Variants in EPHA6 observed in about 807,000 individuals in gnomAD.
EPHA6 encodes EPH receptor A6.
Under a neutral mutation model 112.0 loss-of-function variants are expected in EPHA6, and 50 were observed. The ratio of observed to expected loss-of-function variants is 0.45; its 90% CI spans 0.36 to 0.56. EPHA6 has a LOEUF of 0.56. EPHA6 is among the 20% of genes least tolerant of loss of function. The pLI, the probability that EPHA6 is intolerant of heterozygous loss-of-function variation, is 0.00. For synonymous variants in EPHA6, 529 were observed against 490.7 expected (o/e 1.08, Z -1.03); for missense variants, 1,280 against 1,417.4 (o/e 0.90, Z 1.56).
intron 1 of EPHA6, among the ~76,000 whole-genome samples, chr3:96,842,418 G>T (rs2107328675): frequency 6.6e-6 from 1 of 152,028 alleles, no homozygotes; most frequent in East Asian, 1.9e-4. Flanking sequence ...TATGATGAGA[G>T]AAAAAAATAC....
At chr3:97,299,302 A>G (rs2081000582) in intron 5 of EPHA6, among the ~76,000 whole-genome samples, 1 of 151,910 alleles carries the variant, frequency 6.6e-6, no homozygotes, top group South Asian at 2.1e-4. Context: ...TAAGGAATAT[A>G]TGGCCATATG....
At chr3:97,564,908 C>T (rs370588059) in intron 11 of EPHA6, among the ~76,000 whole-genome samples, 8 of 152,074 alleles carry the variant, frequency 5.3e-5, no homozygotes, top group Admixed American at 3.3e-4. Context: ...TATGGCACCT[C>T]GGTAGCAGAA....
intron 3 of EPHA6, among the ~76,000 whole-genome samples, chr3:97,066,073 A>G (rs1416546823): frequency 1.3e-5 from 2 of 152,096 alleles, no homozygotes; most frequent in African/African-American, 2.4e-5. Context: ...TTCAATAAAT[A>G]TTTGTTGAAT....
chr3:97,122,959 T>G (rs981793545), intron 3 of EPHA6, among the ~76,000 whole-genome samples: 1 of 152,088 alleles, frequency 6.6e-6, no homozygotes, highest in African/African-American at 2.4e-5. Context: ...TGTTTAGATC[T>G]CTTTGTATAC....
chr3:97,147,912 G>A (rs959800368), intron 3 of EPHA6, among the ~76,000 whole-genome samples: 3 of 152,068 alleles, frequency 2.0e-5, no homozygotes, highest in South Asian at 4.1e-4. Flanking sequence ...ATGGTAATGC[G>A]ATAATATCCA....
intron 5 of EPHA6, among the ~76,000 whole-genome samples, chr3:97,304,069 T>C (rs2081207719): frequency 6.6e-6 from 1 of 152,004 alleles, no homozygotes. Context: ...ATACAAATGC[T>C]TGTGATTTTT....
intron 2 of EPHA6, among the ~76,000 whole-genome samples, chr3:96,892,477 C>T (rs888521311): frequency 1.3e-5 from 2 of 152,100 alleles, no homozygotes; most frequent in African/African-American, 4.8e-5. Flanking sequence ...CCTGCCTCAG[C>T]CCCCAAAGTG....
intron 11 of EPHA6, among the ~76,000 whole-genome samples, chr3:97,585,261 T>C (rs1575972777): frequency 6.6e-6 from 1 of 152,338 alleles, no homozygotes; most frequent in Non-Finnish European, 1.5e-5. Flanking sequence ...TTTAAAATAT[T>C]TGCTTTTAAA....
At chr3:97,596,882 ATATATATATATATATATATATATG>A (rs939180768) in intron 12 of EPHA6, among the ~76,000 whole-genome samples, 14 of 123,834 alleles carry the variant, frequency 1.1e-4, no homozygotes, top group African/African-American at 2.9e-4. Context: ...TGGAATATAT[ATATATATATATATATATATATATG>A]TATGTATATA....
At position 97,320,825 on chromosome 3, in the gene EPHA6, AAAAAAAT is replaced by A. The variant is rs1484637496; in HGVS notation, c.1606+76545_1606+76551del. On this transcript the variant is annotated intron_variant, in intron 5 of 17. Transcript: ENST00000389672. ...CTGTGTTCTCTGGGGGCAAAAAATA[AAAAAAAT>A]AAAAAAAAAGGGATGAATTTAATTA... Among the ~76,000 whole-genome samples, 50 of 141,094 alleles carry A rather than the reference AAAAAAAT, an allele frequency of 3.5e-4. 3 individuals carry two copies. The highest frequency in any genetic ancestry group is 1.5e-3 in the African/African-American group (47 of 32,242). 92.6% of individuals were successfully genotyped at this position (141,094 alleles called of 152,430 possible). A position where few individuals can be genotyped will look rare whatever the true frequency, so the allele number is the denominator to read the frequency against.
intron 10 of EPHA6, among the ~76,000 whole-genome samples, chr3:97,523,588 T>C (rs1404574888): frequency 6.6e-6 from 1 of 152,038 alleles, no homozygotes; most frequent in Non-Finnish European, 1.5e-5. Context: ...TGATTTCTTG[T>C]CTGAATGAAC....
At chr3:97,267,211 T>G (rs549621768) in intron 5 of EPHA6, among the ~76,000 whole-genome samples, 5 of 152,228 alleles carry the variant, frequency 3.3e-5, no homozygotes, top group Admixed American at 1.3e-4. Flanking sequence ...TAAACAAACC[T>G]AGTATGTTTT....
At chr3:97,135,888 G>A (rs2075756986) in intron 3 of EPHA6, among the ~76,000 whole-genome samples, 1 of 151,864 alleles carries the variant, frequency 6.6e-6, no homozygotes, top group African/African-American at 2.4e-5. Flanking sequence ...GCACCAGCAA[G>A]TTAAAACCAC....
In EPHA6 at chr3:97,483,968, A is replaced by G. The variant is rs2091632683; in HGVS notation, c.2109A>G (p.Pro703=). The change falls in exon 10 of 18, where the codon CCA becomes CCG. Residue 703 remains proline, a synonymous_variant. Transcript: ENST00000389672. ...CGGGAATTAAAACTTACATTGATCC[A>G]GATACATATGAAGACCCATCCCTAG... ...RFPGIKTYID[P]DTYEDPSLAV... 6.2e-7 allele frequency: 1 copy of G among 1,607,224 alleles called. No individual in the cohort carries two copies. The highest frequency in any genetic ancestry group is 1.7e-5 in the Admixed American group (1 of 58,900).
chr3:97,546,683 C>G (rs1449398159), intron 11 of EPHA6, among the ~76,000 whole-genome samples: 1 of 152,170 alleles, frequency 6.6e-6, no homozygotes. Context: ...TCCATTCTCC[C>G]CATCACTTTC....
chr3:97,294,021 A>G (rs1035589378), intron 5 of EPHA6, among the ~76,000 whole-genome samples: 11 of 152,160 alleles, frequency 7.2e-5, no homozygotes, highest in African/African-American at 2.7e-4. Context: ...CATTGCTCCA[A>G]AATTGTTGCT....
chr3:97,398,856 A>G (rs1360854082), intron 5 of EPHA6, among the ~76,000 whole-genome samples: 1 of 151,522 alleles, frequency 6.6e-6, no homozygotes, highest in Non-Finnish European at 1.5e-5. Flanking sequence ...GTATATATTT[A>G]TAGGGTACAG....
chr3:96,883,977 T>G (rs1166357646), intron 2 of EPHA6, among the ~76,000 whole-genome samples: 1 of 152,146 alleles, frequency 6.6e-6, no homozygotes. Flanking sequence ...GAAAATGGTG[T>G]CCTTTCCCCA....
At chr3:96,879,657 G>A (rs897267361) in intron 2 of EPHA6, among the ~76,000 whole-genome samples, 1 of 152,054 alleles carries the variant, frequency 6.6e-6, no homozygotes, top group African/African-American at 2.4e-5. Flanking sequence ...AATGATTTCC[G>A]TTTGTGTCAT....
Sources: allele counts gnomAD v4.1 joint callset (sites outside exome capture counted in the v4.1 genomes callset), GRCh38; gene constraint gnomAD v4.1.1; transcripts MANE v1.5; gene names NCBI Gene and HGNC (gene_info 2026-07-23, HGNC 2026-07-21).